The following TENM2 variants were observed in gnomAD, a reference collection of about 807,000 sequenced individuals.
TENM2 encodes the protein teneurin transmembrane protein 2.
Under a neutral mutation model 245.2 loss-of-function variants are expected in TENM2, and 52 were observed. The observed-to-expected ratio is 0.21, with a 90% CI of 0.17 to 0.27. The LOEUF is 0.27. Ranked by LOEUF, TENM2 falls within the 10% of genes least tolerant of loss-of-function variation. The pLI, the probability that TENM2 is intolerant of heterozygous loss-of-function variation, is 1.00. For missense variants in TENM2, 3,046 were observed against 3,666.8 expected, an observed-to-expected ratio of 0.83 and a Z score of 4.37; for synonymous variants, 1,363 against 1,438.9, an observed-to-expected ratio of 0.95 and a Z score of 1.19.
chr5:167,848,471 A>G (rs7704178), intron 2 of TENM2, among the ~76,000 whole-genome samples: 6,449 of 152,240 alleles, frequency 0.042, 454 homozygotes, highest in African/African-American at 0.14. Context: ...TATATTTTGT[A>G]TGTATATATC....
At chr5:167,075,177 C>G in the TENM2 span, among the ~76,000 whole-genome samples, 2 of 152,066 alleles carry the variant, frequency 1.3e-5, no homozygotes, top group Non-Finnish European at 2.9e-5. Flanking sequence ...CAGCAAGTAA[C>G]AGACCAGAAA....
chr5:167,800,839 C>T (rs1301503049), intron 2 of TENM2, among the ~76,000 whole-genome samples: 1 of 152,000 alleles, frequency 6.6e-6, no homozygotes, highest in Non-Finnish European at 1.5e-5. Flanking sequence ...GATTCCCTGG[C>T]AGAGAAACCC....
the TENM2 span, among the ~76,000 whole-genome samples, chr5:167,264,284 C>T: frequency 6.6e-6 from 1 of 152,054 alleles, no homozygotes; most frequent in African/African-American, 2.4e-5. Context: ...GGCTATGAAG[C>T]TAGTATGGAA....
chr5:167,397,518 T>G (rs1762123060), intron 2 of TENM2, among the ~76,000 whole-genome samples: 1 of 152,162 alleles, frequency 6.6e-6, no homozygotes, highest in African/African-American at 2.4e-5. Flanking sequence ...GTGTCCATGA[T>G]TCAATATAAA....
chr5:167,537,864 T>A (rs1771949095), intron 2 of TENM2, among the ~76,000 whole-genome samples: 1 of 152,224 alleles, frequency 6.6e-6, no homozygotes, highest in Admixed American at 6.5e-5. Context: ...AGCCAATTCA[T>A]GCTGTAAGGT....
intron 2 of TENM2, among the ~76,000 whole-genome samples, chr5:167,567,474 T>C (rs1450865856): frequency 6.6e-6 from 1 of 152,142 alleles, no homozygotes; most frequent in Non-Finnish European, 1.5e-5. Context: ...TGAAATGACC[T>C]CCTAGAAGAG....
chr5:168,083,174 G>T (rs575637257), intron 7 of TENM2, among the ~76,000 whole-genome samples: 1 of 152,126 alleles, frequency 6.6e-6, no homozygotes, highest in Admixed American at 6.5e-5. Flanking sequence ...CCCCAGCCTC[G>T]CTGCCACCTT....
At chr5:167,249,784 C>T in the TENM2 span, among the ~76,000 whole-genome samples, 24 of 152,064 alleles carry the variant, frequency 1.6e-4, no homozygotes, top group Non-Finnish European at 3.4e-4. Flanking sequence ...ACTCACTATG[C>T]CTTTATACTC....
chr5:167,021,080 G>A, the TENM2 span, among the ~76,000 whole-genome samples: 1 of 152,184 alleles, frequency 6.6e-6, no homozygotes, highest in African/African-American at 2.4e-5. Flanking sequence ...GGAGGGGGAG[G>A]TTGCAGTGAG....
At chr5:167,684,954 A>G (rs1249116294) in intron 2 of TENM2, among the ~76,000 whole-genome samples, 1 of 152,208 alleles carries the variant, frequency 6.6e-6, no homozygotes, top group Non-Finnish European at 1.5e-5. Flanking sequence ...TGGAACTCAC[A>G]TAAGATCTTA....
At chr5:167,165,098 T>C in the TENM2 span, 1 of 152,234 alleles carries the variant, frequency 6.6e-6, no homozygotes, top group Non-Finnish European at 1.5e-5. Context: ...TTTGTAGATA[T>C]TAGCTTCTCA....
chr5:167,414,536 C>T (rs943217033), intron 2 of TENM2, among the ~76,000 whole-genome samples: 4 of 151,890 alleles, frequency 2.6e-5, no homozygotes, highest in Non-Finnish European at 4.4e-5. Context: ...TGATTTATGG[C>T]GTGATTTATG....
chr5:168,008,568 A>G (rs1218152381), intron 5 of TENM2, among the ~76,000 whole-genome samples: 1 of 152,160 alleles, frequency 6.6e-6, no homozygotes, highest in African/African-American at 2.4e-5. Context: ...GTCAATAATC[A>G]GTGGGTGTGT....
intron 13 of TENM2, chr5:168,186,336 T>C (rs1382647361): frequency 1.3e-5 from 2 of 152,208 alleles, no homozygotes; most frequent in African/African-American, 4.8e-5. Context: ...AAGCAATAAA[T>C]AGAATGCCTT....
rs76372288 is a variant in TENM2 at position 167,501,598 on chromosome 5, G to C, written c.502+126125G>C. ...CCCCAAATCCTTCTTTTATCTCCTTGTTTCTCCCAAACTCTGCCACTTTTC... is the reference window on the plus strand; with the variant it reads ...CCCCAAATCCTTCTTTTATCTCCTTCTTTCTCCCAAACTCTGCCACTTTTC... On this transcript the variant is annotated intron_variant, in intron 2 of 28. Coordinates refer to ENST00000518659, the Ensembl canonical transcript of TENM2. Among the ~76,000 whole-genome samples, 9 of 152,044 alleles carry C rather than the reference G, an allele frequency of 5.9e-5. No homozygotes were observed. In the East Asian group the frequency reaches 1.8e-3, roughly 30 times the overall value.
At chr5:167,667,824 C>T (rs10475522) in intron 2 of TENM2, among the ~76,000 whole-genome samples, 3,511 of 152,176 alleles carry the variant, frequency 0.023, 150 homozygotes, top group African/African-American at 0.081. Context: ...TATTGAATGG[C>T]GTGTGTTGTG....
Position 168,218,928 on chromosome 5 carries a change from C to T in TENM2, c.5037C>T (p.Leu1679=). Residue 1679 remains leucine, a synonymous_variant, in exon 23 of 29, where the codon CTC becomes CTT. Coordinates refer to ENST00000518659, the Ensembl canonical transcript of TENM2. This position sits in a 1 kb window ranked among gnomAD's most constrained non-coding sequence, Gnocchi z 5.2. ...CCACACAGAACCTGGAGCTTGGTCTCATGACCTATGATGGCAACACTGGGC... is the reference window on the plus strand; with the variant it reads ...CCACACAGAACCTGGAGCTTGGTCTTATGACCTATGATGGCAACACTGGGC... 6.2e-7 allele frequency: 1 copy of T among 1,614,004 alleles called. No homozygotes were observed. Among genetic ancestry groups the T allele is most frequent in the Non-Finnish European group, 8.5e-7 (1 of 1,179,898 alleles).
At chr5:167,226,284 C>T in the TENM2 span, among the ~76,000 whole-genome samples, 1 of 151,746 alleles carries the variant, frequency 6.6e-6, no homozygotes, top group African/African-American at 2.4e-5. Context: ...TTGATGTAGG[C>T]ATTTAGCCTT....
chr5:167,922,142 A>G (rs986349939), intron 3 of TENM2, among the ~76,000 whole-genome samples: 2 of 152,236 alleles, frequency 1.3e-5, no homozygotes, highest in South Asian at 2.1e-4. Flanking sequence ...TTCTACTAGC[A>G]TATGCCTCCC....
Sources: allele counts gnomAD v4.1 joint callset (sites outside exome capture counted in the v4.1 genomes callset), GRCh38; gene constraint gnomAD v4.1.1; non-coding constraint Gnocchi (gnomAD v3.1); transcripts MANE v1.5; gene names NCBI Gene and HGNC (gene_info 2026-07-23, HGNC 2026-07-21).